The following CTNNA2 variants were observed in gnomAD, a reference collection of about 807,000 sequenced individuals.
CTNNA2 encodes catenin alpha 2.
Under a neutral mutation model 101.0 loss-of-function variants are expected in CTNNA2, and 42 were observed. The ratio of observed to expected loss-of-function variants is 0.42; its 90% CI spans 0.32 to 0.54. The LOEUF is 0.54. Among genes scored for constraint, CTNNA2 ranks in the 20% least tolerant of loss-of-function variants. The probability of loss-of-function intolerance (pLI) is 0.14; values close to 1 mark genes in which losing one functional copy is unlikely to be tolerated. For synonymous variants in CTNNA2, 450 were observed against 456.4 expected, an observed-to-expected ratio of 0.99 and a Z score of 0.18; for missense variants, 871 against 1,223.1, an observed-to-expected ratio of 0.71 and a Z score of 4.29.
At chr2:79,993,572 C>T (rs1227529420) in intron 7 of CTNNA2, among the ~76,000 whole-genome samples, 3 of 151,712 alleles carry the variant, frequency 2.0e-5, no homozygotes, top group Non-Finnish European at 4.4e-5. Flanking sequence ...ACAAATGTTT[C>T]AGGAAACTAG....
At chr2:79,860,339 A>C in intron 4 of CTNNA2, among the ~76,000 whole-genome samples, 1 of 152,132 alleles carries the variant, frequency 6.6e-6, no homozygotes, top group Non-Finnish European at 1.5e-5. Flanking sequence ...TGATGGGCTG[A>C]ATATCCTTGC....
chr2:80,482,650 C>A (rs908534793), intron 9 of CTNNA2, among the ~76,000 whole-genome samples: 5 of 152,146 alleles, frequency 3.3e-5, no homozygotes, highest in African/African-American at 1.2e-4. Context: ...GAGCTACTGG[C>A]CAAATTAAGC....
At chr2:79,284,779 T>TA (rs1675513155) in intron 2 of CTNNA2, among the ~76,000 whole-genome samples, 1 of 150,286 alleles carries the variant, frequency 6.7e-6, no homozygotes, top group Middle Eastern at 3.2e-3. Flanking sequence ...CCTCATCAAA[T>TA]GAGTTAGGGA....
intron 18 of CTNNA2, among the ~76,000 whole-genome samples, chr2:80,635,365 A>G (rs1216683346): frequency 1.3e-5 from 2 of 152,190 alleles, no homozygotes; most frequent in Non-Finnish European, 2.9e-5. Context: ...TTTAAAACTA[A>G]TTTAGTTAAA....
Position 79,249,237 on chromosome 2 carries a change from AT to A in CTNNA2, c.-406+51167del, listed in dbSNP as rs140015593. Among the ~76,000 whole-genome samples, 533 of 152,256 alleles carry A rather than the reference AT, an allele frequency of 3.5e-3. 13 individuals are homozygous for A. The East Asian group carries it at 0.061, about 17-fold the overall frequency. On this transcript the variant is annotated intron_variant, in intron 2 of 21. Transcript: ENST00000466387. ...CCTAATAAATGTTAGCTATCATCATATTTTTTCATCAATAAATCCAGTGTTT... is the reference window on the plus strand; with the variant it reads ...CCTAATAAATGTTAGCTATCATCATATTTTTCATCAATAAATCCAGTGTTT...
chr2:79,810,286 A>G (rs1365108316), intron 3 of CTNNA2, among the ~76,000 whole-genome samples: 1 of 152,128 alleles, frequency 6.6e-6, no homozygotes, highest in African/African-American at 2.4e-5. Context: ...AAGGTCTTAC[A>G]TCACAGTTGG....
chr2:80,139,475 T>C (rs1387822967), intron 7 of CTNNA2, among the ~76,000 whole-genome samples: 2 of 152,290 alleles, frequency 1.3e-5, no homozygotes, highest in South Asian at 2.1e-4. Context: ...ACCAAGATTT[T>C]ACTGCTTAGG....
chr2:79,917,258 A>G (rs1686315943), intron 7 of CTNNA2, among the ~76,000 whole-genome samples: 3 of 150,852 alleles, frequency 2.0e-5, no homozygotes, highest in African/African-American at 4.9e-5. Flanking sequence ...TTTAGTAGAG[A>G]CGGGTTTCAG....
intron 7 of CTNNA2, among the ~76,000 whole-genome samples, chr2:80,206,719 C>T (rs1707557631): frequency 6.6e-6 from 1 of 152,182 alleles, no homozygotes; most frequent in African/African-American, 2.4e-5. Context: ...GTTTTGAATG[C>T]TCTTGAAAGT....
intron 15 of CTNNA2, among the ~76,000 whole-genome samples, chr2:80,596,898 G>GT (rs1697034819): frequency 6.6e-6 from 1 of 152,122 alleles, no homozygotes; most frequent in South Asian, 2.1e-4. Context: ...TGCCTAGTTT[G>GT]TTAAGAGTTT....
At chr2:80,507,780 A>G (rs1374238128) in intron 9 of CTNNA2, among the ~76,000 whole-genome samples, 2 of 152,216 alleles carry the variant, frequency 1.3e-5, no homozygotes, top group African/African-American at 2.4e-5. Context: ...TTATGCAGGC[A>G]TTACTAAGCA....
At chr2:79,739,487 A>G (rs1272351064) in intron 2 of CTNNA2, among the ~76,000 whole-genome samples, 1 of 152,170 alleles carries the variant, frequency 6.6e-6, no homozygotes, top group Non-Finnish European at 1.5e-5. Context: ...TTTCTCTGTC[A>G]AGCTCTTTCA....
At chr2:79,346,330 G>T (rs772023018) in intron 3 of CTNNA2, among the ~76,000 whole-genome samples, 3 of 152,092 alleles carry the variant, frequency 2.0e-5, no homozygotes, top group Non-Finnish European at 2.9e-5. Flanking sequence ...AAAGAACCCT[G>T]TTGCTATTTT....
intron 7 of CTNNA2, among the ~76,000 whole-genome samples, chr2:80,329,098 A>C (rs1256502774): frequency 6.6e-6 from 1 of 152,216 alleles, no homozygotes; most frequent in Non-Finnish European, 1.5e-5. Context: ...ATATTTACTA[A>C]AAATATTTGC....
intron 11 of CTNNA2, among the ~76,000 whole-genome samples, chr2:80,549,386 C>G (rs1356071431): frequency 1.3e-5 from 2 of 152,008 alleles, no homozygotes; most frequent in Non-Finnish European, 2.9e-5. Flanking sequence ...TAAAAATTCA[C>G]CGTGAACTTT....
At chr2:80,565,458 G>A (rs1232469963) in intron 12 of CTNNA2, among the ~76,000 whole-genome samples, 1 of 151,986 alleles carries the variant, frequency 6.6e-6, no homozygotes, top group Non-Finnish European at 1.5e-5. Context: ...AAAACAAATT[G>A]TACCAACTTC....
chr2:79,834,031 T>G (rs75905673), intron 3 of CTNNA2, among the ~76,000 whole-genome samples: 3,059 of 152,258 alleles, frequency 0.02, 82 homozygotes, highest in African/African-American at 0.054. Context: ...TGTTTCCAAG[T>G]TTTGCTTGAA....
intron 9 of CTNNA2, among the ~76,000 whole-genome samples, chr2:80,537,085 C>T (rs1691104708): frequency 6.6e-6 from 1 of 152,050 alleles, no homozygotes; most frequent in Admixed American, 6.6e-5. Context: ...GCATCCCACC[C>T]CCTGACAGGC....
chr2:79,390,725 T>C (rs1235982812), intron 4 of CTNNA2, among the ~76,000 whole-genome samples: 1 of 152,224 alleles, frequency 6.6e-6, no homozygotes, highest in East Asian at 1.9e-4. Flanking sequence ...TCTTCCACGA[T>C]GGTTGTAGCA....
Sources: allele counts gnomAD v4.1 joint callset (sites outside exome capture counted in the v4.1 genomes callset), GRCh38; gene constraint gnomAD v4.1.1; transcripts MANE v1.5; gene names NCBI Gene and HGNC (gene_info 2026-07-23, HGNC 2026-07-21).